Variants in MAS1 observed in about 807,000 individuals in gnomAD.
The protein encoded by MAS1 is proto-oncogene Mas.
For missense variants in MAS1, 387 were observed against 409.7 expected, an observed-to-expected ratio of 0.94 and a Z score of 0.48; for synonymous variants, 163 against 164.2, an observed-to-expected ratio of 0.99 and a Z score of 0.05.
intron 1 of MAS1, among the ~76,000 whole-genome samples, chr6:159,892,496 G>A (rs746464623): frequency 4.6e-5 from 7 of 152,018 alleles, no homozygotes; most frequent in Non-Finnish European, 1.0e-4. Flanking sequence ...TAAGAGTGAT[G>A]TCCTAGGCTG....
chr6:159,893,621 C>T (rs754032865), intron 1 of MAS1, among the ~76,000 whole-genome samples: 6 of 152,034 alleles, frequency 3.9e-5, no homozygotes, highest in Non-Finnish European at 7.4e-5. Flanking sequence ...TGGGTCAAAA[C>T]TGGAGATATT....
chr6:159,891,639 A>T (rs74762572), intron 1 of MAS1, among the ~76,000 whole-genome samples: 1 of 152,196 alleles, frequency 6.6e-6, no homozygotes, highest in East Asian at 1.9e-4. Context: ...CTTAGTGGGC[A>T]CTGGCATCAG....
chr6:159,906,383 T>G (rs1297067415), intron 2 of MAS1, among the ~76,000 whole-genome samples: 1 of 152,228 alleles, frequency 6.6e-6, no homozygotes, highest in Non-Finnish European at 1.5e-5. Flanking sequence ...TGGTACAATA[T>G]TAAACCCATT....
In MAS1 at chr6:159,907,328, G is replaced by A; in HGVS notation, c.373G>A (p.Ala125Thr). 6.2e-7 allele frequency: 1 copy of A among 1,614,154 alleles called. No individual in the cohort carries two copies. Residue 125 changes from alanine to threonine, a missense_variant, in exon 3 of 3, where the codon GCC (alanine) becomes ACC (threonine). Ala to Thr is a moderately conservative substitution (Grantham distance 58, BLOSUM62 0). Coordinates refer to ENST00000674077, the MANE Select transcript of MAS1 (RefSeq NM_002377.4). ...GYNTGLYLLT[A>T]ISVERCLSVL... ...CAACACGGGCCTCTATCTGCTGACG[G>A]CCATTAGTGTGGAGAGGTGCCTGTC...
At chr6:159,889,019 C>G (rs775024624), upstream of MAS1, among the ~76,000 whole-genome samples, 3 of 152,200 alleles carry the variant, frequency 2.0e-5, no homozygotes, top group Non-Finnish European at 4.4e-5. Context: ...GCCAATTAGT[C>G]ACAAAACAAC....
chr6:159,897,125 C>T (rs907737320), intron 1 of MAS1, among the ~76,000 whole-genome samples: 18 of 152,110 alleles, frequency 1.2e-4, no homozygotes, highest in Non-Finnish European at 2.2e-4. Context: ...CCGCCCGCCT[C>T]GGCCTCCCAA....
Position 159,907,032 on chromosome 6 carries a change from G to A in MAS1, c.77G>A (p.Gly26Glu), listed in dbSNP as rs760551394. 6.2e-7 allele frequency: 1 copy of A among 1,613,982 alleles called. No homozygotes were observed. Among genetic ancestry groups the A allele is most frequent in the South Asian group, 1.1e-5 (1 of 91,084 alleles). ...TCAACTGGCAGGAACGCCTCAGTCG[G>A]GAATGCACATCGGCAAATCCCCATC... is the stretch of plus-strand genomic sequence containing the variant. The part of the protein sequence containing the change: ...NISTGRNASV[G>E]NAHRQIPIVH... The change falls in exon 3 of 3, where the codon GGG becomes GAG. Residue 26 changes from glycine (G) to glutamate (E), a missense_variant. Gly to Glu is a moderately conservative substitution (Grantham distance 98). Coordinates refer to ENST00000674077, the MANE Select transcript of MAS1 (RefSeq NM_002377.4).
chr6:159,903,998 C>A (rs1250306335), intron 2 of MAS1, among the ~76,000 whole-genome samples: 6 of 152,164 alleles, frequency 3.9e-5, no homozygotes, highest in Non-Finnish European at 8.8e-5. Flanking sequence ...GGGTCTCAGC[C>A]CACTTGAACT....
At chr6:159,897,818 G>C (rs1003123347) in intron 1 of MAS1, among the ~76,000 whole-genome samples, 1 of 152,054 alleles carries the variant, frequency 6.6e-6, no homozygotes, top group African/African-American at 2.4e-5. Context: ...CAGTCCCTGC[G>C]GACTGCTTCA....
intron 1 of MAS1, among the ~76,000 whole-genome samples, chr6:159,897,818 G>GGACT (rs111754344): frequency 0.024 from 3,653 of 152,162 alleles, 137 homozygotes; most frequent in African/African-American, 0.083. Flanking sequence ...CAGTCCCTGC[G>GGACT]GACTGCTTCA....
At position 159,909,775 on chromosome 6, in the gene MAS1, ACTAT is replaced by A. The variant is rs1424991292; in HGVS notation, c.*1844_*1847del. 1 of 152,152 alleles carries A rather than the reference ACTAT, an allele frequency of 6.6e-6. No individual in the cohort carries two copies. Among genetic ancestry groups the A allele is most frequent in the African/African-American group, 2.4e-5 (1 of 41,416 alleles). The allele number at this position is 152,152 out of a possible 1,614,324, so 9.4% of individuals were successfully genotyped here. ...CTTAGTCTCAAAGAGGACCCTAAAGACTATCAGATACAAGGAATTTCTACCTAAG... is the reference window on the plus strand; with the variant it reads ...CTTAGTCTCAAAGAGGACCCTAAAGACAGATACAAGGAATTTCTACCTAAG... On this transcript the variant is annotated 3_prime_UTR_variant, in exon 3 of 3. Transcript: ENST00000674077.
upstream of MAS1, among the ~76,000 whole-genome samples, chr6:159,889,811 T>C (rs1322445351): frequency 1.3e-5 from 2 of 152,210 alleles, no homozygotes; most frequent in Non-Finnish European, 2.9e-5. Context: ...GGGGAAGCTC[T>C]CTTCTCTCCC....
intron 1 of MAS1, among the ~76,000 whole-genome samples, chr6:159,892,873 T>C (rs1782716651): frequency 6.6e-6 from 1 of 152,190 alleles, no homozygotes; most frequent in Non-Finnish European, 1.5e-5. Context: ...TCTCTAGCAT[T>C]TCTTATACCC....
intron 1 of MAS1, among the ~76,000 whole-genome samples, chr6:159,898,325 A>G (rs568982825): frequency 6.6e-6 from 1 of 152,202 alleles, no homozygotes; most frequent in Admixed American, 6.5e-5. Flanking sequence ...TAAAAATAGG[A>G]TTAGGCCCCA....
rs1339489499 is a variant in MAS1 at position 159,907,294 on chromosome 6, G to A, written c.339G>A (p.Leu113=). 27 of 1,614,170 alleles carry A rather than the reference G, an allele frequency of 1.7e-5. No homozygotes were observed. Among genetic ancestry groups the A allele is most frequent in the Non-Finnish European group, 2.3e-5 (27 of 1,180,042 alleles). Residue 113 remains leucine (L), a synonymous_variant, in exon 3 of 3, where the codon CTG becomes CTA. Coordinates refer to ENST00000674077, the MANE Select transcript of MAS1 (RefSeq NM_002377.4). ...YTIVTLSVTF[L]FGYNTGLYLL... is the part of the protein sequence containing the mutation. ...TTGTCACATTATCAGTGACTTTTCT[G>A]TTTGGCTACAACACGGGCCTCTATC...
upstream of MAS1, among the ~76,000 whole-genome samples, chr6:159,889,007 G>T (rs1782666200): frequency 6.6e-6 from 1 of 152,152 alleles, no homozygotes; most frequent in South Asian, 2.1e-4. Context: ...TTTGTTAGTG[G>T]TGCCAATTAG....
intron 1 of MAS1, among the ~76,000 whole-genome samples, chr6:159,897,951 G>A (rs1299996040): frequency 6.6e-6 from 1 of 151,802 alleles, no homozygotes; most frequent in Non-Finnish European, 1.5e-5. Context: ...AGAGTGCAGT[G>A]GCGCGATCTT....
At chr6:159,898,598 C>A (rs1328869454) in intron 1 of MAS1, among the ~76,000 whole-genome samples, 4 of 144,694 alleles carry the variant, frequency 2.8e-5, no homozygotes, top group Non-Finnish European at 4.6e-5. Flanking sequence ...CCTGTTCCTC[C>A]TTCCTCTTCC....
rs1783027566 is a variant in MAS1, at chr6:159,916,617, G to A, written c.*8684G>A. Reference sequence around the variant, plus strand: ...GCCAAGTCAATACTTGGGTGATGAAGGATGAAGACAAACCTCCTCTTCATC... The same window carrying A: ...GCCAAGTCAATACTTGGGTGATGAAAGATGAAGACAAACCTCCTCTTCATC... On this transcript the variant is annotated 3_prime_UTR_variant, in exon 3 of 3. Transcript: ENST00000674077. 6.6e-6 allele frequency: 1 copy of A among 152,180 alleles called. No homozygotes were observed. The highest frequency in any genetic ancestry group is 1.5e-5 in the Non-Finnish European group (1 of 68,036). 9.4% of individuals were successfully genotyped at this position (152,180 alleles called of 1,614,324 possible).
Sources: gnomAD v4.1 joint callset for allele counts (sites outside exome capture counted in the v4.1 genomes callset) on GRCh38, gnomAD v4.1.1 for gene constraint, MANE v1.5 for transcripts, NCBI Gene and HGNC (gene_info 2026-07-23, HGNC 2026-07-21) for gene names.